Variants in CLSTN2 observed in about 807,000 individuals in gnomAD.
The protein encoded by CLSTN2 is calsyntenin-2.
In CLSTN2, 48 loss-of-function variants were observed where a neutral mutation model predicts 101.2. The observed-to-expected ratio is 0.47, with a 90% CI of 0.38 to 0.60. The LOEUF is 0.60. CLSTN2 is among the 20% of genes least tolerant of loss of function. The pLI, the probability that CLSTN2 is intolerant of heterozygous loss-of-function variation, is 0.00. For synonymous variants in CLSTN2, 481 were observed against 463.6 expected (o/e 1.04, Z -0.48); for missense variants, 1,160 against 1,238.2 (o/e 0.94, Z 0.95).
chr3:140,380,445 G>T (rs1429892122), intron 2 of CLSTN2, among the ~76,000 whole-genome samples: 1 of 152,060 alleles, frequency 6.6e-6, no homozygotes. Context: ...AATAATAACA[G>T]GTTTATTTAT....
At chr3:140,534,085 C>G (rs938324152) in intron 9 of CLSTN2, among the ~76,000 whole-genome samples, 1 of 152,082 alleles carries the variant, frequency 6.6e-6, no homozygotes, top group Admixed American at 6.5e-5. Flanking sequence ...GTTCATGAAA[C>G]TATTTAGTAT....
intron 1 of CLSTN2, among the ~76,000 whole-genome samples, chr3:139,995,594 G>A (rs992871223): frequency 2.6e-5 from 4 of 152,136 alleles, no homozygotes; most frequent in African/African-American, 4.8e-5. Flanking sequence ...TGTTCCATAC[G>A]TTTTGTCCCA....
At chr3:140,101,708 A>G (rs965291106) in intron 1 of CLSTN2, among the ~76,000 whole-genome samples, 4 of 152,338 alleles carry the variant, frequency 2.6e-5, no homozygotes, top group Non-Finnish European at 4.4e-5. Context: ...TTTCCAGGAC[A>G]GATCTCTCCT....
chr3:140,299,643 G>T (rs2087038817), intron 2 of CLSTN2, among the ~76,000 whole-genome samples: 1 of 152,090 alleles, frequency 6.6e-6, no homozygotes, highest in African/African-American at 2.4e-5. Flanking sequence ...CCTATCTTTG[G>T]CTATTGACTT....
At chr3:140,525,936 C>G (rs771500650) in intron 8 of CLSTN2, among the ~76,000 whole-genome samples, 28 of 152,158 alleles carry the variant, frequency 1.8e-4, no homozygotes, top group Middle Eastern at 6.8e-3. Context: ...ATATTAAAGG[C>G]CATCTATGAC....
chr3:140,408,014 A>ACAAT (rs1275629648), intron 4 of CLSTN2, among the ~76,000 whole-genome samples: 4 of 152,242 alleles, frequency 2.6e-5, no homozygotes, highest in African/African-American at 7.2e-5. Flanking sequence ...CCGACAAAGT[A>ACAAT]CAATCAGACA....
chr3:140,547,428 C>T (rs771888224), intron 10 of CLSTN2, among the ~76,000 whole-genome samples: 9 of 151,510 alleles, frequency 5.9e-5, no homozygotes, highest in African/African-American at 9.7e-5. Flanking sequence ...GAGCTAAGAT[C>T]GCACCAATGC....
intron 2 of CLSTN2, among the ~76,000 whole-genome samples, chr3:140,319,059 TA>T (rs1285312440): frequency 1.3e-5 from 2 of 152,234 alleles, no homozygotes; most frequent in Non-Finnish European, 2.9e-5. Flanking sequence ...TTACTAACTA[TA>T]TAACTTTGGG....
Position 140,331,300 on chromosome 3 carries a change from G to T in CLSTN2, c.233-72329G>T, listed in dbSNP as rs941695625. Among the ~76,000 whole-genome samples, 3 of 152,160 alleles carry T rather than the reference G, an allele frequency of 2.0e-5. No homozygotes were observed. In the East Asian group the frequency reaches 5.8e-4, roughly 29 times the overall value. On this transcript the variant is annotated intron_variant, in intron 2 of 16. Transcript: ENST00000458420. Reference sequence around the variant, plus strand: ...CTCTTCCACCTGCTTTTCTACCTGGGCTGGCAGCTGATCAGATGGTGCCTA... The same window carrying T: ...CTCTTCCACCTGCTTTTCTACCTGGTCTGGCAGCTGATCAGATGGTGCCTA...
At chr3:140,345,043 A>G (rs17404557) in intron 2 of CLSTN2, among the ~76,000 whole-genome samples, 2,308 of 152,292 alleles carry the variant, frequency 0.015, 35 homozygotes, top group Middle Eastern at 0.031. Context: ...CTTTCAGGGC[A>G]TGTCGAGACT....
intron 8 of CLSTN2, among the ~76,000 whole-genome samples, chr3:140,526,700 A>T (rs1425220799): frequency 1.3e-5 from 2 of 152,142 alleles, no homozygotes. Context: ...ATAAGGCAAC[A>T]GTAACAAAAA....
chr3:140,366,665 G>A (rs1483362526), intron 2 of CLSTN2, among the ~76,000 whole-genome samples: 1 of 152,140 alleles, frequency 6.6e-6, no homozygotes, highest in Non-Finnish European at 1.5e-5. Flanking sequence ...CTCTGCACCA[G>A]CTCAGACACT....
chr3:140,024,287 G>A (rs948157532), intron 1 of CLSTN2, among the ~76,000 whole-genome samples: 1 of 152,162 alleles, frequency 6.6e-6, no homozygotes, highest in East Asian at 1.9e-4. Flanking sequence ...TCCGCAGTGT[G>A]GGTGTCCTGC....
chr3:140,170,595 A>T (rs751906490), intron 1 of CLSTN2, among the ~76,000 whole-genome samples: 3 of 152,334 alleles, frequency 2.0e-5, no homozygotes, highest in Non-Finnish European at 4.4e-5. Context: ...TAGGTACCCT[A>T]ACTGAAGTAG....
chr3:140,400,709 A>C (rs1041685145), intron 2 of CLSTN2, among the ~76,000 whole-genome samples: 2 of 151,796 alleles, frequency 1.3e-5, no homozygotes, highest in Non-Finnish European at 2.9e-5. Flanking sequence ...AAAAAAAAAA[A>C]CTCAGGACAG....
intron 4 of CLSTN2, among the ~76,000 whole-genome samples, chr3:140,413,275 C>A (rs562192211): frequency 2.6e-5 from 4 of 152,114 alleles, no homozygotes; most frequent in Admixed American, 2.6e-4. Context: ...CACTTTTATA[C>A]CAACAAATTG....
intron 2 of CLSTN2, among the ~76,000 whole-genome samples, chr3:140,344,135 C>T (rs999793749): frequency 1.3e-5 from 2 of 152,148 alleles, no homozygotes; most frequent in Admixed American, 6.5e-5. Flanking sequence ...AACAAGCTAC[C>T]GCAGCGTTCA....
intron 1 of CLSTN2, among the ~76,000 whole-genome samples, chr3:140,074,467 G>A (rs978050193): frequency 6.6e-6 from 1 of 152,214 alleles, no homozygotes; most frequent in Non-Finnish European, 1.5e-5. Flanking sequence ...CAGATGGAGA[G>A]ATGAGGGATG....
At chr3:140,198,440 C>T (rs1377832361) in intron 2 of CLSTN2, among the ~76,000 whole-genome samples, 2 of 152,120 alleles carry the variant, frequency 1.3e-5, no homozygotes, top group African/African-American at 2.4e-5. Flanking sequence ...AAGGCTTTGG[C>T]TGGGCTGCAC....
Sources: allele counts gnomAD v4.1 joint callset (sites outside exome capture counted in the v4.1 genomes callset), GRCh38; gene constraint gnomAD v4.1.1; transcripts MANE v1.5; gene names NCBI Gene and HGNC (gene_info 2026-07-23, HGNC 2026-07-21).